Variants in CAMK4 observed in about 807,000 individuals in gnomAD.
The protein encoded by CAMK4 is calcium/calmodulin dependent protein kinase IV, also known as calcium/calmodulin-dependent protein kinase type IV.
Under a neutral mutation model 44.9 loss-of-function variants are expected in CAMK4, and 22 were observed. The observed-to-expected ratio is 0.49, with a 90% CI of 0.35 to 0.70. The LOEUF (loss-of-function observed/expected upper bound fraction) is 0.70. Ranked by LOEUF, CAMK4 falls within the 30% of genes least tolerant of loss-of-function variation. CAMK4 has a pLI of 0.01. For synonymous variants in CAMK4, 218 were observed against 215.4 expected, an observed-to-expected ratio of 1.01 and a Z score of -0.11; for missense variants, 498 against 586.8, an observed-to-expected ratio of 0.85 and a Z score of 1.56.
intron 1 of CAMK4, among the ~76,000 whole-genome samples, chr5:111,240,005 A>T (rs1748914109): frequency 6.6e-6 from 1 of 152,232 alleles, no homozygotes; most frequent in African/African-American, 2.4e-5. Context: ...AAGAAGGTGT[A>T]GTATAACCGT....
chr5:111,411,870 T>C (rs932179654), intron 5 of CAMK4, among the ~76,000 whole-genome samples: 2 of 152,176 alleles, frequency 1.3e-5, no homozygotes, highest in Non-Finnish European at 2.9e-5. Context: ...AGTAACAGCA[T>C]ACTTTTGGAA....
rs148261977 is a variant in CAMK4, at chr5:111,372,865, ACAGT to A, written c.241-1982_241-1979del. 5.3e-3 allele frequency among the ~76,000 whole-genome samples: 806 copies of A among 152,224 alleles called. 7 individuals carry two copies. The highest frequency in any genetic ancestry group is 0.018 in the African/African-American group (743 of 41,560). On this transcript the variant is annotated intron_variant, in intron 2 of 10. Transcript: ENST00000282356. ...GCTCCAGAGCCTATCAATTTGATGT[ACAGT>A]CACTAGAGTTAGGTTGCTTTTCTCT...
chr5:111,224,132 A>G (rs1748041967), upstream of CAMK4: 5 of 192,036 alleles, frequency 2.6e-5, no homozygotes, highest in South Asian at 6.4e-4. This position sits in a 1 kb window ranked among gnomAD's most constrained non-coding sequence, Gnocchi z 5.7. Flanking sequence ...CGGCAGCCAC[A>G]GCCTGGGAGA....
At chr5:111,308,235 A>G (rs548573868) in intron 1 of CAMK4, among the ~76,000 whole-genome samples, 2 of 139,848 alleles carry the variant, frequency 1.4e-5, no homozygotes, top group African/African-American at 6.4e-5. Flanking sequence ...ATGTACCCTA[A>G]AACTTAGAGT....
In CAMK4 at chr5:111,484,957, T is replaced by C. The variant is rs561905022; in HGVS notation, c.*491T>C. The C allele has an allele frequency of 2.0e-5, 3 of 152,460 alleles. No homozygotes were observed. The highest frequency in any genetic ancestry group is 7.2e-5 in the African/African-American group (3 of 41,578). The allele number at this position is 152,460 out of a possible 1,614,324, so 9.4% of individuals were successfully genotyped here. A position where few individuals can be genotyped will look rare whatever the true frequency, so the allele number is the denominator to read the frequency against. On this transcript the variant is annotated 3_prime_UTR_variant, in exon 11 of 11. Transcript: ENST00000282356. The surrounding 1 kb of genome is among the most constrained non-coding windows in gnomAD (Gnocchi z 5.3). ...CAAACTGTTTACAAGGAGATGCTTA[T>C]AGATGATAGTTGTACATATGTGCAA... is the stretch of plus-strand genomic sequence containing the variant.
intron 3 of CAMK4, 61 bp from the exon 4 acceptor site, chr5:111,376,799 T>C: frequency 1.0e-6 from 1 of 989,862 alleles, no homozygotes; most frequent in African/African-American, 1.6e-5. Context: ...TAGTATTAGC[T>C]ATTTCCAAGA....
In CAMK4 at chr5:111,416,257, A is replaced by AAC. The variant is rs148457400; in HGVS notation, c.459+21493_459+21494dup. Among the ~76,000 whole-genome samples the AAC allele has an allele frequency of 7.3e-3, 1,104 of 150,860 alleles. 15 individuals are homozygous for AAC. Among genetic ancestry groups the AAC allele is most frequent in the African/African-American group, 0.023 (953 of 41,258 alleles). On this transcript the variant is annotated intron_variant, in intron 5 of 10. Coordinates refer to ENST00000282356, the MANE Select transcript of CAMK4 (RefSeq NM_001744.6). ...ACTCCCATATACATGCACATATATA[A>AAC]ACACACACACACACACACAAACAAG...
At chr5:111,458,491 C>G (rs567644654) in intron 7 of CAMK4, among the ~76,000 whole-genome samples, 253 of 152,248 alleles carry the variant, frequency 1.7e-3, no homozygotes, top group Non-Finnish European at 2.4e-3. Context: ...CTTCTATGCA[C>G]TAGGCACTGT....
chr5:111,384,033 T>C (rs1169594527), intron 4 of CAMK4, among the ~76,000 whole-genome samples: 1 of 152,148 alleles, frequency 6.6e-6, no homozygotes, highest in East Asian at 1.9e-4. Flanking sequence ...GTTTGGGTAG[T>C]TCGGTCTTGA....
At chr5:111,331,500 C>T (rs1749166196) in intron 1 of CAMK4, among the ~76,000 whole-genome samples, 1 of 151,750 alleles carries the variant, frequency 6.6e-6, no homozygotes, top group Non-Finnish European at 1.5e-5. Flanking sequence ...AATGGTACAA[C>T]CACATTGAAA....
chr5:111,410,131 A>G (rs939925405), intron 5 of CAMK4, among the ~76,000 whole-genome samples: 7 of 152,112 alleles, frequency 4.6e-5, no homozygotes, highest in African/African-American at 1.7e-4. Context: ...CCTGGTACCA[A>G]TTTACTGTAT....
At chr5:111,398,625 A>C (rs1752108189) in intron 5 of CAMK4, among the ~76,000 whole-genome samples, 1 of 152,162 alleles carries the variant, frequency 6.6e-6, no homozygotes, top group Non-Finnish European at 1.5e-5. Context: ...ATCATGTAGG[A>C]ATTAACTTTT....
chr5:111,230,055 CTCT>C (rs1404639885), intron 1 of CAMK4, among the ~76,000 whole-genome samples: 1 of 152,132 alleles, frequency 6.6e-6, no homozygotes. Flanking sequence ...TACCCGCTTC[CTCT>C]TCTTTGAGGT....
At chr5:111,483,138 T>G (rs897792817) in intron 10 of CAMK4, among the ~76,000 whole-genome samples, 7 of 152,178 alleles carry the variant, frequency 4.6e-5, no homozygotes, top group Admixed American at 2.0e-4. Context: ...AAGGAATATA[T>G]GATTAATAAA....
At chr5:111,409,786 A>G (rs1232974111) in intron 5 of CAMK4, among the ~76,000 whole-genome samples, 1 of 152,232 alleles carries the variant, frequency 6.6e-6, no homozygotes, top group Non-Finnish European at 1.5e-5. Context: ...GGGCAGGGGC[A>G]AAATGCTGCC....
In CAMK4 at chr5:111,490,119, A is replaced by G. The variant is rs1755765824; in HGVS notation, c.*5653A>G. The G allele has an allele frequency of 6.6e-6, 1 of 151,962 alleles. No homozygotes were observed. Among genetic ancestry groups the G allele is most frequent in the Non-Finnish European group, 1.5e-5 (1 of 68,036 alleles). The allele number at this position is 151,962 out of a possible 1,614,324, so 9.4% of individuals were successfully genotyped here. Reference sequence around the variant, plus strand: ...AAAATAACATTTAATTTTCACTCTGATTAATCTTTATTTTCCATTTAAAAG... The same window carrying G: ...AAAATAACATTTAATTTTCACTCTGGTTAATCTTTATTTTCCATTTAAAAG... On this transcript the variant is annotated 3_prime_UTR_variant, in exon 11 of 11. Coordinates refer to ENST00000282356, the MANE Select transcript of CAMK4 (RefSeq NM_001744.6).
intron 2 of CAMK4, among the ~76,000 whole-genome samples, chr5:111,362,627 A>G (rs949789703): frequency 5.3e-5 from 8 of 152,058 alleles, no homozygotes; most frequent in Non-Finnish European, 1.0e-4. Flanking sequence ...AAAATATATA[A>G]TATGTGTTGA....
chr5:111,303,231 C>T (rs1747809650), intron 1 of CAMK4, among the ~76,000 whole-genome samples: 1 of 115,904 alleles, frequency 8.6e-6, no homozygotes, highest in Admixed American at 9.3e-5. Flanking sequence ...AGCAACGGAA[C>T]AAAGCTGGAT....
chr5:111,352,469 CT>C (rs1750149359), intron 2 of CAMK4, among the ~76,000 whole-genome samples: 1 of 152,118 alleles, frequency 6.6e-6, no homozygotes, highest in African/African-American at 2.4e-5. Flanking sequence ...ATACTTTTTA[CT>C]ACTATGTTAG....
Sources: allele counts gnomAD v4.1 joint callset (sites outside exome capture counted in the v4.1 genomes callset), GRCh38; gene constraint gnomAD v4.1.1; non-coding constraint Gnocchi (gnomAD v3.1); transcripts MANE v1.5; gene names NCBI Gene and HGNC (gene_info 2026-07-23, HGNC 2026-07-21).